Variants in BICD1 observed in about 807,000 individuals in gnomAD.
BICD1 encodes BICD cargo adaptor 1, also known as protein bicaudal D homolog 1.
In BICD1, 35 loss-of-function variants were observed where a neutral mutation model predicts 92.5. That is an observed-to-expected ratio of 0.38 (90% CI 0.29 to 0.50). The LOEUF is 0.50. Among genes scored for constraint, BICD1 ranks in the 20% least tolerant of loss-of-function variants. The probability of loss-of-function intolerance (pLI) is 0.93; values close to 1 mark genes in which losing one functional copy is unlikely to be tolerated. For missense variants in BICD1, 950 were observed against 1,189.8 expected, an observed-to-expected ratio of 0.80 and a Z score of 2.97; for synonymous variants, 429 against 465.1, an observed-to-expected ratio of 0.92 and a Z score of 1.00.
intron 4 of BICD1, among the ~76,000 whole-genome samples, chr12:32,326,955 G>A (rs1948791915): frequency 6.6e-6 from 1 of 152,192 alleles, no homozygotes; most frequent in African/African-American, 2.4e-5. Flanking sequence ...TAAGGGGATG[G>A]TTAAAGTACT....
At chr12:32,245,169 C>CAGAT (rs1469876533) in intron 2 of BICD1, among the ~76,000 whole-genome samples, 9 of 151,838 alleles carry the variant, frequency 5.9e-5, no homozygotes, top group African/African-American at 2.2e-4. Flanking sequence ...TTTTAAAAAT[C>CAGAT]AGATAACTAG....
intron 8 of BICD1, chr12:32,339,496 T>A: frequency 1.0e-6 from 1 of 985,446 alleles, no homozygotes; most frequent in Non-Finnish European, 1.2e-6. Flanking sequence ...TAGGTCTTAG[T>A]ATAATGTTCT....
chr12:32,369,740 A>AT (rs11390633), intron 9 of BICD1, among the ~76,000 whole-genome samples: 54,794 of 148,208 alleles, frequency 0.37, 10,142 homozygotes, highest in African/African-American at 0.43. Context: ...CCTCTACCAA[A>AT]TTTTTTTTTT....
chr12:32,182,278 C>CT (rs759328721), intron 1 of BICD1, among the ~76,000 whole-genome samples: 22,346 of 80,568 alleles, frequency 0.28, 4,032 homozygotes, highest in Admixed American at 0.41. Context: ...TTCTTTCTTT[C>CT]TTTTTTTTTT....
intron 4 of BICD1, among the ~76,000 whole-genome samples, chr12:32,322,529 G>T (rs1407680912): frequency 2.0e-5 from 3 of 152,184 alleles, no homozygotes; most frequent in Non-Finnish European, 4.4e-5. Flanking sequence ...CAGAGCTCAG[G>T]CGGTAATGTT....
chr12:32,132,221 G>A (rs1942568882), intron 1 of BICD1, among the ~76,000 whole-genome samples: 1 of 152,042 alleles, frequency 6.6e-6, no homozygotes, highest in Non-Finnish European at 1.5e-5. Context: ...TTCGAGACCA[G>A]CTTGACCAAT....
chr12:32,282,767 C>T (rs1239727838), intron 2 of BICD1, among the ~76,000 whole-genome samples: 1 of 152,046 alleles, frequency 6.6e-6, no homozygotes, highest in South Asian at 2.1e-4. Flanking sequence ...GGAAGCCACA[C>T]GAGAAAGTGT....
At chr12:32,245,255 T>G (rs1269520925) in intron 2 of BICD1, among the ~76,000 whole-genome samples, 1 of 150,910 alleles carries the variant, frequency 6.6e-6, no homozygotes, top group Non-Finnish European at 1.5e-5. Context: ...TTTTTGTTTT[T>G]TTTTTTTTTG....
chr12:32,150,270 T>C (rs1015894881), intron 1 of BICD1, among the ~76,000 whole-genome samples: 3 of 152,206 alleles, frequency 2.0e-5, no homozygotes, highest in African/African-American at 7.2e-5. Context: ...ACTATCACAT[T>C]GGATTTTAGG....
chr12:32,265,974 T>G (rs897841844), intron 2 of BICD1, among the ~76,000 whole-genome samples: 1 of 152,200 alleles, frequency 6.6e-6, no homozygotes, highest in Non-Finnish European at 1.5e-5. Context: ...GCGTGTCATC[T>G]CTCTCCATTT....
chr12:32,374,372 A>G (rs750402870), intron 9 of BICD1, among the ~76,000 whole-genome samples: 1 of 151,632 alleles, frequency 6.6e-6, no homozygotes, highest in Non-Finnish European at 1.5e-5. Flanking sequence ...GTATAGTAAA[A>G]TTGGAGTTTT....
At chr12:32,142,797 C>T (rs2668299) in intron 1 of BICD1, among the ~76,000 whole-genome samples, 26,998 of 152,214 alleles carry the variant, frequency 0.18, 2,505 homozygotes, top group East Asian at 0.21. Context: ...AGATCTTTAT[C>T]TGTCAGGGAC....
rs182112218 is a variant in BICD1 at position 32,254,623 on chromosome 12, A to G, written c.426+38164A>G. ...TTCAGCATGCTGTGTCAAGAGCAGC[A>G]CATTGTGTGGTCACTGTCTCATTCA... On this transcript the variant is annotated intron_variant, in intron 2 of 9. Transcript: ENST00000652176. Among the ~76,000 whole-genome samples the G allele has an allele frequency of 1.9e-3, 282 of 152,342 alleles. 1 individual carries two copies. Among genetic ancestry groups the G allele is most frequent in the Admixed American group, 4.2e-3 (65 of 15,300 alleles).
chr12:32,189,124 C>T (rs1565575299), intron 1 of BICD1, among the ~76,000 whole-genome samples: 1 of 152,140 alleles, frequency 6.6e-6, no homozygotes, highest in Non-Finnish European at 1.5e-5. Flanking sequence ...TGCCCTTAGG[C>T]TCATAGTTTT....
rs796496627 is a variant in BICD1, at chr12:32,313,448, CTG to C, written c.1005+7330_1005+7331del. Among the ~76,000 whole-genome samples the C allele has an allele frequency of 1.5e-4, 23 of 152,148 alleles. No homozygotes were observed. The highest frequency in any genetic ancestry group is 4.8e-4 in the African/African-American group (20 of 41,522). On this transcript the variant is annotated intron_variant, in intron 4 of 9. Coordinates refer to ENST00000652176, the MANE Select transcript of BICD1 (RefSeq NM_001714.4). The surrounding 1 kb of genome is among the most constrained non-coding windows in gnomAD (Gnocchi z 4.2). ...TATAGATAGGGAAACTGAGGCATGA[CTG>C]TGTTATGTCATTAGTTCAAGGTCAA...
intron 1 of BICD1, among the ~76,000 whole-genome samples, chr12:32,163,048 A>G (rs1423841051): frequency 6.6e-6 from 1 of 152,172 alleles, no homozygotes; most frequent in Non-Finnish European, 1.5e-5. Flanking sequence ...TAACATATTT[A>G]GTTGAAAAGG....
At chr12:32,164,090 T>C (rs564130870) in intron 1 of BICD1, among the ~76,000 whole-genome samples, 2 of 152,328 alleles carry the variant, frequency 1.3e-5, no homozygotes, top group South Asian at 2.1e-4. Flanking sequence ...TCTTCCCTTC[T>C]TCTCTTAGTG....
intron 2 of BICD1, among the ~76,000 whole-genome samples, chr12:32,239,365 G>A (rs1340313976): frequency 1.3e-5 from 2 of 150,684 alleles, no homozygotes; most frequent in Non-Finnish European, 3.0e-5. Flanking sequence ...TCAGGAGTTT[G>A]AGACCAGCCT....
intron 1 of BICD1, among the ~76,000 whole-genome samples, chr12:32,143,778 C>G (rs12314171): frequency 0.22 from 33,731 of 152,128 alleles, 3,788 homozygotes; most frequent in South Asian, 0.33. Flanking sequence ...TGAGAATTCT[C>G]TATTCTCACC....
Sources: gnomAD v4.1 joint callset for allele counts (sites outside exome capture counted in the v4.1 genomes callset) on GRCh38, gnomAD v4.1.1 for gene constraint, Gnocchi (gnomAD v3.1) non-coding constraint, MANE v1.5 for transcripts, NCBI Gene and HGNC (gene_info 2026-07-23, HGNC 2026-07-21) for gene names.